KIAA1217: variants seen among roughly 807,000 people sequenced by gnomAD.
KIAA1217 encodes the protein KIAA1217.
A neutral mutation model predicts 163.9 loss-of-function variants in KIAA1217; 88 were observed. That is an observed-to-expected ratio of 0.54 (90% CI 0.45 to 0.64). KIAA1217 has a LOEUF of 0.64. Among genes scored for constraint, KIAA1217 ranks in the 30% least tolerant of loss-of-function variants. The probability of loss-of-function intolerance (pLI) is 0.00; values close to 1 mark genes in which losing one functional copy is unlikely to be tolerated. For missense variants in KIAA1217, 2,372 were observed against 2,475.0 expected, an observed-to-expected ratio of 0.96 and a Z score of 0.88; for synonymous variants, 903 against 923.1, an observed-to-expected ratio of 0.98 and a Z score of 0.39.
At chr10:23,980,870 C>T (rs2131412299) in intron 1 of KIAA1217, among the ~76,000 whole-genome samples, 1 of 152,294 alleles carries the variant, frequency 6.6e-6, no homozygotes, top group East Asian at 1.9e-4. Context: ...CTCCAATTCT[C>T]TTTCTCGTAT....
At chr10:23,745,531 G>T (rs916092306) in intron 1 of KIAA1217, among the ~76,000 whole-genome samples, 1 of 152,118 alleles carries the variant, frequency 6.6e-6, no homozygotes, top group Non-Finnish European at 1.5e-5. Context: ...TGATGTTTCC[G>T]TGTGTCCTGC....
At chr10:23,790,269 G>GCATATA (rs1564422387) in intron 1 of KIAA1217, among the ~76,000 whole-genome samples, 533 of 38,194 alleles carry the variant, frequency 0.014, 261 homozygotes, top group Non-Finnish European at 0.02. Context: ...ATATGCATAT[G>GCATATA]CACATATGCA....
At chr10:23,994,379 C>G (rs1846371062) in intron 1 of KIAA1217, among the ~76,000 whole-genome samples, 1 of 152,132 alleles carries the variant, frequency 6.6e-6, no homozygotes, top group Non-Finnish European at 1.5e-5. Context: ...GATTTTAGGT[C>G]TCAGGACAGT....
intron 2 of KIAA1217, among the ~76,000 whole-genome samples, chr10:24,172,431 C>T (rs1416853815): frequency 1.3e-5 from 2 of 152,152 alleles, no homozygotes; most frequent in Non-Finnish European, 2.9e-5. Flanking sequence ...TCCCTAAGAG[C>T]ACAAAAACCA....
At chr10:24,060,608 A>G (rs574171778) in intron 2 of KIAA1217, among the ~76,000 whole-genome samples, 7 of 152,312 alleles carry the variant, frequency 4.6e-5, no homozygotes, top group Admixed American at 4.6e-4. Context: ...TAGCCTAGGC[A>G]ACATAGCAAG....
intron 2 of KIAA1217, among the ~76,000 whole-genome samples, chr10:24,306,936 C>T (rs115814293): frequency 5.0e-4 from 76 of 152,322 alleles, no homozygotes; most frequent in African/African-American, 1.6e-3. Context: ...TTCATTCACA[C>T]GGCAAGAAAT....
At chr10:24,294,053 G>C (rs757555343) in intron 2 of KIAA1217, among the ~76,000 whole-genome samples, 1 of 151,882 alleles carries the variant, frequency 6.6e-6, no homozygotes, top group Non-Finnish European at 1.5e-5. Flanking sequence ...ATAGCCGGGC[G>C]TGGTGGCAGG....
chr10:23,748,829 T>C (rs1334234481), intron 1 of KIAA1217, among the ~76,000 whole-genome samples: 1 of 152,032 alleles, frequency 6.6e-6, no homozygotes, highest in Non-Finnish European at 1.5e-5. Context: ...GTTCTTCATG[T>C]AGTAAAGGCT....
intron 1 of KIAA1217, among the ~76,000 whole-genome samples, chr10:23,811,553 A>G (rs1837054558): frequency 1.3e-5 from 2 of 151,946 alleles, no homozygotes; most frequent in African/African-American, 2.4e-5. Flanking sequence ...TAAAAATGCA[A>G]TTTTAAAAAA....
At chr10:24,056,515 C>G (rs962205033) in intron 2 of KIAA1217, among the ~76,000 whole-genome samples, 2 of 151,508 alleles carry the variant, frequency 1.3e-5, no homozygotes, top group East Asian at 3.9e-4. Flanking sequence ...TATTATCATA[C>G]GACAGGAAAA....
rs1253597016 is a variant in KIAA1217 at position 24,473,978 on chromosome 10, C to G, written c.1597C>G (p.Leu533Val). 6.2e-7 allele frequency: 1 copy of G among 1,614,106 alleles called. No individual in the cohort carries two copies. Among genetic ancestry groups the G allele is most frequent in the Non-Finnish European group, 8.5e-7 (1 of 1,179,998 alleles). Residue 533 changes from leucine to valine, a missense_variant, in exon 6 of 21, where the codon CTT (leucine) becomes GTT (valine). This residue lies in a region of KIAA1217 where 1,431 missense variants were observed against 1,470.3 expected (regional missense o/e 0.97). Transcript: ENST00000376454. ...ACGGAGCGCTGCAGGATTATCCAGCCTTGTAGACCTCGGCCCTCCTCTAAT... is the reference window on the plus strand; with the variant it reads ...ACGGAGCGCTGCAGGATTATCCAGCGTTGTAGACCTCGGCCCTCCTCTAAT... ...KPRSAAGLSS[L>V]VDLGPPLMEK... is the part of the protein sequence containing the mutation.
chr10:24,057,505 A>G (rs1216558905), intron 2 of KIAA1217, among the ~76,000 whole-genome samples: 1 of 152,158 alleles, frequency 6.6e-6, no homozygotes, highest in African/African-American at 2.4e-5. Flanking sequence ...GATATCTCAT[A>G]TAAGTGGAAT....
intron 4 of KIAA1217, among the ~76,000 whole-genome samples, chr10:24,433,418 A>G (rs1332858917): frequency 1.3e-5 from 2 of 152,040 alleles, no homozygotes; most frequent in African/African-American, 4.8e-5. Flanking sequence ...AAGCAGATTC[A>G]TTATCCTGAT....
intron 2 of KIAA1217, among the ~76,000 whole-genome samples, chr10:24,014,742 A>C (rs902326511): frequency 2.0e-5 from 3 of 152,154 alleles, no homozygotes; most frequent in African/African-American, 7.2e-5. Flanking sequence ...TGTTTTTGAA[A>C]TATGGCCAAG....
intron 2 of KIAA1217, among the ~76,000 whole-genome samples, chr10:24,310,348 G>GA (rs1426634249): frequency 1.3e-5 from 2 of 152,182 alleles, no homozygotes; most frequent in African/African-American, 4.8e-5. Context: ...GAAGGAAACC[G>GA]AAGCTGGTGG....
intron 1 of KIAA1217, among the ~76,000 whole-genome samples, chr10:23,753,963 C>A (rs566264339): frequency 1.3e-5 from 2 of 152,248 alleles, no homozygotes; most frequent in East Asian, 1.9e-4. Flanking sequence ...CTCAAAAATA[C>A]CCTCATTTAT....
chr10:24,063,877 C>A (rs2060831358), intron 2 of KIAA1217, among the ~76,000 whole-genome samples: 1 of 152,092 alleles, frequency 6.6e-6, no homozygotes, highest in Non-Finnish European at 1.5e-5. Context: ...AGTTGGATTC[C>A]TAGGTATTCT....
intron 1 of KIAA1217, among the ~76,000 whole-genome samples, chr10:23,732,918 C>T (rs944201935): frequency 6.6e-6 from 1 of 152,064 alleles, no homozygotes; most frequent in Non-Finnish European, 1.5e-5. Flanking sequence ...AATGCCTTTA[C>T]ATCATACTTT....
At chr10:24,177,059 C>T (rs776846787) in intron 2 of KIAA1217, among the ~76,000 whole-genome samples, 4 of 151,582 alleles carry the variant, frequency 2.6e-5, no homozygotes, top group Admixed American at 6.6e-5. Flanking sequence ...TGCACAGCCC[C>T]GATTCCCGCC....
Sources: allele counts gnomAD v4.1 joint callset (sites outside exome capture counted in the v4.1 genomes callset), GRCh38; gene constraint gnomAD v4.1.1; regional missense constraint gnomAD v4.1.1; transcripts MANE v1.5; gene names NCBI Gene and HGNC (gene_info 2026-07-23, HGNC 2026-07-21).